The following MALRD1 variants were observed in gnomAD, a reference collection of about 807,000 sequenced individuals.
MALRD1 encodes the protein MAM and LDL-receptor class A domain-containing protein 1.
MALRD1 carries 247 observed loss-of-function variants against 242.1 expected under a neutral mutation model. The observed-to-expected ratio is 1.02, with a 90% CI of 0.92 to 1.13. MALRD1 has a LOEUF of 1.13. Ranked by LOEUF, MALRD1 falls within the 50% of genes most tolerant of loss-of-function variation. The pLI is 0.00. For synonymous variants in MALRD1, 995 were observed against 866.6 expected (o/e 1.15, Z -2.60); for missense variants, 2,989 against 2,533.1 (o/e 1.18, Z -3.86).
intron 2 of MALRD1, among the ~76,000 whole-genome samples, chr10:19,070,635 G>T (rs533252691): frequency 1.8e-4 from 27 of 151,880 alleles, no homozygotes; most frequent in African/African-American, 5.6e-4. Flanking sequence ...TAAAATCCTT[G>T]CGTGCATCAT....
chr10:19,506,903 G>T (rs990072639), intron 31 of MALRD1, among the ~76,000 whole-genome samples: 9 of 152,022 alleles, frequency 5.9e-5, no homozygotes, highest in African/African-American at 2.2e-4. Context: ...CCTGAGACTG[G>T]GTAAGTGATA....
At chr10:19,206,183 A>T (rs1160768593) in intron 17 of MALRD1, among the ~76,000 whole-genome samples, 5 of 152,030 alleles carry the variant, frequency 3.3e-5, no homozygotes, top group African/African-American at 1.2e-4. Context: ...ACCAAAGTAG[A>T]AATGTAAAAT....
intron 31 of MALRD1, among the ~76,000 whole-genome samples, chr10:19,524,232 T>G (rs1833997840): frequency 6.6e-6 from 1 of 152,128 alleles, no homozygotes; most frequent in Non-Finnish European, 1.5e-5. Flanking sequence ...ATTCCAGCAC[T>G]TTGGGAGGCC....
chr10:19,154,513 A>G lies in MALRD1; in HGVS notation c.1559-562A>G, dbSNP rs766984877. 2.6e-4 allele frequency among the ~76,000 whole-genome samples: 40 copies of G among 152,194 alleles called. 1 individual carries two copies. Among genetic ancestry groups the G allele is most frequent in the Admixed American group, 1.2e-3 (18 of 15,268 alleles). On this transcript the variant is annotated intron_variant, in intron 11 of 39. Coordinates refer to ENST00000454679, the MANE Select transcript of MALRD1 (RefSeq NM_001142308.3). ...GAACCTGTGATCTTTTAAGCTGCTG[A>G]GAGATGTTATCCCCTGCACATTTGC...
intron 36 of MALRD1, among the ~76,000 whole-genome samples, chr10:19,629,223 C>A (rs1839806515): frequency 6.6e-6 from 1 of 152,114 alleles, no homozygotes; most frequent in Non-Finnish European, 1.5e-5. Flanking sequence ...TGGTGCCTTC[C>A]AAATGAATGA....
chr10:19,141,406 A>G (rs1833538423), intron 10 of MALRD1, among the ~76,000 whole-genome samples: 2 of 152,246 alleles, frequency 1.3e-5, no homozygotes, highest in African/African-American at 4.8e-5. Context: ...TTATTGCTTA[A>G]TGGGGGTGGA....
chr10:19,370,815 A>G (rs893008275), intron 26 of MALRD1, among the ~76,000 whole-genome samples: 5 of 152,156 alleles, frequency 3.3e-5, no homozygotes, highest in African/African-American at 7.2e-5. Context: ...GACCTCAAGT[A>G]ATCTGCCTGC....
At chr10:19,212,614 T>G (rs1837119285) in intron 18 of MALRD1, among the ~76,000 whole-genome samples, 1 of 152,126 alleles carries the variant, frequency 6.6e-6, no homozygotes, top group African/African-American at 2.4e-5. Context: ...TACCCAGGAG[T>G]GCAATGGCTG....
Position 19,123,586 on chromosome 10 carries a change from G to C in MALRD1, c.789G>C (p.Glu263Asp). The change falls in exon 6 of 40, where the codon GAG becomes GAC. Residue 263 changes from glutamate to aspartate, a missense_variant. Coordinates refer to ENST00000454679, the MANE Select transcript of MALRD1 (RefSeq NM_001142308.3). ...GCAGATTTGATGCTACAGATGAAGA[G>C]TTGAGATGTAAGTGTTAAATTGAGA... ...DLCRFDATDE[E>D]LRLCQACGFE... 8.1e-7 allele frequency: 1 copy of C among 1,231,986 alleles called. No individual in the cohort carries two copies. Among genetic ancestry groups the C allele is most frequent in the Non-Finnish European group, 1.0e-6 (1 of 986,446 alleles). 76.3% of individuals were successfully genotyped at this position (1,231,986 alleles called of 1,614,324 possible).
At chr10:19,095,744 T>C (rs79886497) in intron 4 of MALRD1, among the ~76,000 whole-genome samples, 170 of 152,304 alleles carry the variant, frequency 1.1e-3, no homozygotes, top group Admixed American at 1.8e-3. Flanking sequence ...TTGCTGTGGA[T>C]GCTCAAGTGT....
At chr10:19,064,749 G>C (rs1314867401) in intron 1 of MALRD1, among the ~76,000 whole-genome samples, 1 of 133,156 alleles carries the variant, frequency 7.5e-6, no homozygotes, top group Admixed American at 8.4e-5. Context: ...CAGCCTGGGC[G>C]ACAGAAAGAA....
intron 19 of MALRD1, among the ~76,000 whole-genome samples, chr10:19,262,559 G>A (rs572665339): frequency 6.6e-6 from 1 of 151,776 alleles, no homozygotes; most frequent in South Asian, 2.1e-4. Flanking sequence ...AGGAGGCTGA[G>A]GCAGGAGAAT....
intron 38 of MALRD1, among the ~76,000 whole-genome samples, chr10:19,730,017 G>C (rs983825329): frequency 1.3e-5 from 2 of 152,088 alleles, no homozygotes; most frequent in Non-Finnish European, 2.9e-5. Flanking sequence ...GATTACAGGC[G>C]TGAGCCACCA....
intron 2 of MALRD1, among the ~76,000 whole-genome samples, chr10:19,070,836 CTTTTTTTT>C (rs3042437): frequency 7.6e-5 from 4 of 52,470 alleles, no homozygotes; most frequent in Non-Finnish European, 1.0e-4. Context: ...AAATGACAAA[CTTTTTTTT>C]TTTTTTTTTT....
intron 19 of MALRD1, among the ~76,000 whole-genome samples, chr10:19,273,983 A>G (rs1189862329): frequency 6.6e-6 from 1 of 152,194 alleles, no homozygotes; most frequent in African/African-American, 2.4e-5. Context: ...GAAAAATAGC[A>G]TTATGAGACT....
Position 19,627,417 on chromosome 10 carries a change from CAACA to C in MALRD1, c.6137+11505_6137+11508del, listed in dbSNP as rs200087253. Among the ~76,000 whole-genome samples the C allele has an allele frequency of 9.4e-3, 1,424 of 151,362 alleles. 19 individuals are homozygous for C. Among genetic ancestry groups the C allele is most frequent in the African/African-American group, 0.032 (1,322 of 41,204 alleles). ...ACCATAAACAAAATTAAGAAAAAAACAACAAACAAACAAAAAAGCAACAAAAAAA... is the reference window on the plus strand; with the variant it reads ...ACCATAAACAAAATTAAGAAAAAAACAACAAACAAAAAAGCAACAAAAAAA... On this transcript the variant is annotated intron_variant, in intron 36 of 39. Coordinates refer to ENST00000454679, the MANE Select transcript of MALRD1 (RefSeq NM_001142308.3).
At position 19,146,244 on chromosome 10, in the gene MALRD1, G is replaced by C; in HGVS notation, c.1458G>C (p.Glu486Asp). The C allele has an allele frequency of 8.1e-7, 1 of 1,231,654 alleles. No individual in the cohort carries two copies. Among genetic ancestry groups the C allele is most frequent in the Non-Finnish European group, 1.0e-6 (1 of 987,928 alleles). 76.3% of individuals were successfully genotyped at this position (1,231,654 alleles called of 1,614,324 possible). ...CDFESGFCGW[E>D]PFLTEDSHWK... is the part of the protein sequence containing the mutation. ...TTGAGTCGGGTTTCTGCGGTTGGGAGCCATTTCTCACAGAAGATTCACACT... is the reference window on the plus strand; with the variant it reads ...TTGAGTCGGGTTTCTGCGGTTGGGACCCATTTCTCACAGAAGATTCACACT... Residue 486 changes from glutamate (E) to aspartate (D), a missense_variant, in exon 11 of 40, where the codon GAG becomes GAC. Coordinates refer to ENST00000454679, the MANE Select transcript of MALRD1 (RefSeq NM_001142308.3).
chr10:19,047,974 A>G (rs906870699), upstream of MALRD1, among the ~76,000 whole-genome samples: 1 of 152,254 alleles, frequency 6.6e-6, no homozygotes, highest in Non-Finnish European at 1.5e-5. Context: ...AAAGCAATGT[A>G]TAGAACATTC....
chr10:19,406,938 T>G (rs977221044), intron 28 of MALRD1, among the ~76,000 whole-genome samples: 3 of 152,136 alleles, frequency 2.0e-5, no homozygotes, highest in African/African-American at 7.2e-5. Flanking sequence ...TATCAGATTT[T>G]TTTTAGTTTT....
Sources: allele counts gnomAD v4.1 joint callset (sites outside exome capture counted in the v4.1 genomes callset), GRCh38; gene constraint gnomAD v4.1.1; transcripts MANE v1.5; gene names NCBI Gene and HGNC (gene_info 2026-07-23, HGNC 2026-07-21).